Variants in CYTH3 observed in about 807,000 individuals in gnomAD.
The protein encoded by CYTH3 is cytohesin-3.
Under a neutral mutation model 55.1 loss-of-function variants are expected in CYTH3, and 23 were observed. The ratio of observed to expected loss-of-function variants is 0.42; its 90% CI spans 0.30 to 0.59. CYTH3 has a LOEUF of 0.59. CYTH3 is among the 20% of genes least tolerant of loss of function. The pLI, the probability that CYTH3 is intolerant of heterozygous loss-of-function variation, is 0.20. For missense variants in CYTH3, 413 were observed against 524.8 expected, an observed-to-expected ratio of 0.79 and a Z score of 2.08; for synonymous variants, 249 against 194.9, an observed-to-expected ratio of 1.28 and a Z score of -2.31.
intron 1 of CYTH3, among the ~76,000 whole-genome samples, chr7:6,270,434 T>A (rs1261902639): frequency 2.0e-5 from 3 of 152,220 alleles, no homozygotes; most frequent in Non-Finnish European, 4.4e-5. Flanking sequence ...GTGAGATGAA[T>A]TAAATGATAC....
chr7:6,251,567 C>T (rs1271441293), intron 1 of CYTH3, among the ~76,000 whole-genome samples: 2 of 152,106 alleles, frequency 1.3e-5, no homozygotes, highest in African/African-American at 4.8e-5. Context: ...AAATTCTCCG[C>T]CCTTAAATTT....
intron 1 of CYTH3, among the ~76,000 whole-genome samples, chr7:6,266,664 G>C (rs1415074474): frequency 1.3e-5 from 2 of 151,134 alleles, no homozygotes; most frequent in East Asian, 2.0e-4. Flanking sequence ...TACCCCTATA[G>C]ATTGCACCTC....
intron 4 of CYTH3, among the ~76,000 whole-genome samples, chr7:6,179,921 CCACACACA>C (rs746252535): frequency 2.8e-5 from 4 of 141,788 alleles, no homozygotes; most frequent in African/African-American, 8.1e-5. Context: ...CACACACAAA[CCACACACA>C]CACACACACA....
At chr7:6,259,044 G>C (rs1780207950) in intron 1 of CYTH3, among the ~76,000 whole-genome samples, 1 of 152,186 alleles carries the variant, frequency 6.6e-6, no homozygotes, top group African/African-American at 2.4e-5. Context: ...CACTCAAAGA[G>C]CATGTGTTTC....
rs1012612054 is a variant in CYTH3 at position 6,220,481 on chromosome 7, T to C, written c.35-29950A>G. Among the ~76,000 whole-genome samples, 27 of 150,502 alleles carry C rather than the reference T, an allele frequency of 1.8e-4. 1 individual carries two copies. The highest frequency in any genetic ancestry group is 5.9e-4 in the African/African-American group (24 of 40,832). On this transcript the variant is annotated intron_variant, in intron 1 of 12. Transcript: ENST00000350796. ...ATCCATAAAAGAAAAAAATAATAAA[T>C]TGGACATCAAAATTAAAAACTTTTG...
chr7:6,263,613 T>C (rs1444694931), intron 1 of CYTH3, among the ~76,000 whole-genome samples: 1 of 151,978 alleles, frequency 6.6e-6, no homozygotes, highest in Non-Finnish European at 1.5e-5. Context: ...CTGGCCAACG[T>C]AGCAAAAACC....
chr7:6,248,179 CA>C (rs35911708), intron 1 of CYTH3, among the ~76,000 whole-genome samples: 6,744 of 149,306 alleles, frequency 0.045, 533 homozygotes, highest in African/African-American at 0.16. Context: ...CTTTTGGAAA[CA>C]TGTTGCTTTA....
intron 2 of CYTH3, 25 bp from the exon 3 acceptor site, chr7:6,187,746 G>T (rs766770738): frequency 4.4e-6 from 7 of 1,604,288 alleles, no homozygotes; most frequent in Non-Finnish European, 5.1e-6. Flanking sequence ...GAATTTCGAG[G>T]TGGGGAGTGG....
intron 1 of CYTH3, among the ~76,000 whole-genome samples, chr7:6,225,812 T>C (rs35868999): frequency 0.051 from 7,719 of 152,090 alleles, 292 homozygotes; most frequent in Non-Finnish European, 0.077. Flanking sequence ...CCTGAGTAGC[T>C]GAGATTACAG....
At chr7:6,268,851 G>C (rs1331175305) in intron 1 of CYTH3, among the ~76,000 whole-genome samples, 1 of 152,114 alleles carries the variant, frequency 6.6e-6, no homozygotes, top group Non-Finnish European at 1.5e-5. Flanking sequence ...TTAGTGACAG[G>C]GGTGATGGAA....
chr7:6,192,529 ATTTTTT>A (rs36036670), intron 1 of CYTH3, among the ~76,000 whole-genome samples: 6 of 111,324 alleles, frequency 5.4e-5, no homozygotes, highest in East Asian at 5.1e-4. Context: ...CCACAAGTCA[ATTTTTT>A]TTTTTTTTTT....
At chr7:6,197,427 A>C (rs1385537516) in intron 1 of CYTH3, among the ~76,000 whole-genome samples, 1 of 152,254 alleles carries the variant, frequency 6.6e-6, no homozygotes, top group Non-Finnish European at 1.5e-5. Flanking sequence ...TCACACCTGT[A>C]ATCTCAGCAC....
chr7:6,202,385 C>T (rs1361195336), intron 1 of CYTH3, among the ~76,000 whole-genome samples: 2 of 152,108 alleles, frequency 1.3e-5, no homozygotes, highest in Non-Finnish European at 2.9e-5. Context: ...CGTGGGTGAA[C>T]CCAGACAAGA....
At chr7:6,177,366 G>A (rs1299114005) in intron 5 of CYTH3, among the ~76,000 whole-genome samples, 2 of 152,218 alleles carry the variant, frequency 1.3e-5, no homozygotes, top group Non-Finnish European at 2.9e-5. Context: ...CCTAACCTCT[G>A]CTAAGCCAGT....
In CYTH3 at chr7:6,239,742, G is replaced by C. The variant is rs554430583; in HGVS notation, c.34+32732C>G. 5.3e-5 allele frequency among the ~76,000 whole-genome samples: 8 copies of C among 152,186 alleles called. No individual in the cohort carries two copies. The East Asian group carries it at 1.5e-3, about 29-fold the overall frequency. Reference sequence around the variant, plus strand: ...TTCAAATAACTAGTTAGACACTAAAGTAGAAAAGAATACTTCATTTATGAT... The same window carrying C: ...TTCAAATAACTAGTTAGACACTAAACTAGAAAAGAATACTTCATTTATGAT... On this transcript the variant is annotated intron_variant, in intron 1 of 12. Coordinates refer to ENST00000350796, the MANE Select transcript of CYTH3 (RefSeq NM_004227.4).
chr7:6,259,058 C>T (rs146515303), intron 1 of CYTH3, among the ~76,000 whole-genome samples: 2 of 152,266 alleles, frequency 1.3e-5, no homozygotes, highest in South Asian at 2.1e-4. Flanking sequence ...GTGTTTCATA[C>T]GTATCTGTCC....
intron 3 of CYTH3, 49 bp from the exon 4 acceptor site, chr7:6,187,165 C>T: frequency 6.4e-7 from 1 of 1,572,428 alleles, no homozygotes; most frequent in Non-Finnish European, 8.8e-7. Context: ...TTTCACAATG[C>T]AGCCCAGTCA....
At chr7:6,237,488 T>TTACAGCCTCAAA (rs1779553482) in intron 1 of CYTH3, among the ~76,000 whole-genome samples, 2 of 151,992 alleles carry the variant, frequency 1.3e-5, no homozygotes, top group South Asian at 4.2e-4. Context: ...GGCGGGCGGA[T>TTACAGCCTCAAA]CTCCAGGTCA....
At chr7:6,245,153 C>T (rs1348815138) in intron 1 of CYTH3, among the ~76,000 whole-genome samples, 2 of 151,318 alleles carry the variant, frequency 1.3e-5, no homozygotes, top group East Asian at 3.9e-4. Flanking sequence ...TACAAAATTG[C>T]TACGTGAAGA....
Sources: allele counts gnomAD v4.1 joint callset (sites outside exome capture counted in the v4.1 genomes callset), GRCh38; gene constraint gnomAD v4.1.1; transcripts MANE v1.5; gene names NCBI Gene and HGNC (gene_info 2026-07-23, HGNC 2026-07-21).